FAT3: variants seen among roughly 807,000 people sequenced by gnomAD.
FAT3 encodes the protein protocadherin Fat 3.
FAT3 carries 95 observed loss-of-function variants against 310.2 expected under a neutral mutation model. That is an observed-to-expected ratio of 0.31 (90% CI 0.26 to 0.36). The LOEUF (loss-of-function observed/expected upper bound fraction) is 0.36, where lower values mean the gene tolerates loss of function less well. Among genes scored for constraint, FAT3 ranks in the 10% least tolerant of loss-of-function variants. The pLI, the probability that FAT3 is intolerant of heterozygous loss-of-function variation, is 1.00. For missense variants in FAT3, 5,408 were observed against 5,715.6 expected (o/e 0.95, Z 1.74); for synonymous variants, 2,314 against 2,192.9 (o/e 1.06, Z -1.54).
intron 3 of FAT3, among the ~76,000 whole-genome samples, chr11:92,651,369 C>T (rs1470910464): frequency 1.3e-5 from 2 of 152,176 alleles, no homozygotes; most frequent in African/African-American, 4.8e-5. Context: ...CCCATGAGGG[C>T]CCGTTTGGGC....
chr11:92,414,582 T>TAGAG (rs1348891234), intron 2 of FAT3, among the ~76,000 whole-genome samples: 3 of 152,224 alleles, frequency 2.0e-5, no homozygotes, highest in African/African-American at 7.2e-5. Flanking sequence ...CCACTACCTC[T>TAGAG]GCCTAGGAGA....
chr11:92,827,170 T>C (rs1337370916), intron 13 of FAT3, among the ~76,000 whole-genome samples: 2 of 152,212 alleles, frequency 1.3e-5, no homozygotes, highest in Non-Finnish European at 2.9e-5. Context: ...AACTGTAAGC[T>C]GTATGTGTGA....
At chr11:92,815,434 G>A (rs1309357929) in intron 13 of FAT3, among the ~76,000 whole-genome samples, 11 of 151,964 alleles carry the variant, frequency 7.2e-5, no homozygotes, top group East Asian at 1.9e-4. Context: ...TTCGCCGGGC[G>A]TGGCAGTGGG....
intron 3 of FAT3, among the ~76,000 whole-genome samples, chr11:92,573,176 C>T (rs1448823181): frequency 6.6e-6 from 1 of 152,136 alleles, no homozygotes. Context: ...AGCCAACATA[C>T]TAGTGGGGAA....
intron 2 of FAT3, among the ~76,000 whole-genome samples, chr11:92,481,060 T>A (rs1952210703): frequency 6.6e-6 from 1 of 152,202 alleles, no homozygotes; most frequent in Non-Finnish European, 1.5e-5. Flanking sequence ...TAAGAGAAAC[T>A]GAACTGATGG....
chr11:92,316,720 G>A (rs533514169), intron 1 of FAT3, among the ~76,000 whole-genome samples: 27 of 152,266 alleles, frequency 1.8e-4, no homozygotes, highest in Non-Finnish European at 2.8e-4. Context: ...TCACACTTTG[G>A]AATCATTCTA....
At chr11:92,434,127 G>T (rs1950871903) in intron 2 of FAT3, among the ~76,000 whole-genome samples, 1 of 152,106 alleles carries the variant, frequency 6.6e-6, no homozygotes, top group African/African-American at 2.4e-5. Context: ...CTATGGCTTA[G>T]TTAATCCACC....
chr11:92,550,964 A>G (rs1178375492), intron 3 of FAT3, among the ~76,000 whole-genome samples: 1 of 151,816 alleles, frequency 6.6e-6, no homozygotes, highest in Non-Finnish European at 1.5e-5. Context: ...TTCTTGATTT[A>G]TTGATATCAC....
chr11:92,265,085 C>T (rs1281914435), intron 1 of FAT3, among the ~76,000 whole-genome samples: 1 of 151,656 alleles, frequency 6.6e-6, no homozygotes, highest in African/African-American at 2.4e-5. Flanking sequence ...CCACAGGTTC[C>T]CTGGAGCTTT....
At chr11:92,493,503 T>G (rs1952666159) in intron 2 of FAT3, among the ~76,000 whole-genome samples, 1 of 152,120 alleles carries the variant, frequency 6.6e-6, no homozygotes, top group South Asian at 2.1e-4. Context: ...GTGCTTTGAA[T>G]ACACTAACAC....
At chr11:92,664,322 G>T (rs974794786) in intron 3 of FAT3, among the ~76,000 whole-genome samples, 1 of 152,158 alleles carries the variant, frequency 6.6e-6, no homozygotes, top group Non-Finnish European at 1.5e-5. Context: ...TTCCACTAGG[G>T]TATGAGCTGC....
chr11:92,551,275 A>G (rs1954806422), intron 3 of FAT3, among the ~76,000 whole-genome samples: 1 of 152,044 alleles, frequency 6.6e-6, no homozygotes, highest in Non-Finnish European at 1.5e-5. Context: ...GGCTTTCTAA[A>G]TCTCTCTACT....
intron 2 of FAT3, among the ~76,000 whole-genome samples, chr11:92,454,669 G>C (rs1182303975): frequency 6.6e-6 from 1 of 152,020 alleles, no homozygotes; most frequent in African/African-American, 2.4e-5. Flanking sequence ...CCATGTTTTA[G>C]AACTCTGATA....
intron 2 of FAT3, among the ~76,000 whole-genome samples, chr11:92,413,708 G>A (rs574330823): frequency 2.2e-4 from 33 of 152,152 alleles, no homozygotes; most frequent in Admixed American, 3.9e-4. Flanking sequence ...AAATAGTATC[G>A]GGGTGGGTTT....
At chr11:92,407,395 C>T (rs185385105) in intron 2 of FAT3, among the ~76,000 whole-genome samples, 2 of 152,134 alleles carry the variant, frequency 1.3e-5, no homozygotes, top group African/African-American at 2.4e-5. Flanking sequence ...TCTTAAACAC[C>T]GACAACACTG....
chr11:92,800,476 G>A lies in FAT3; in HGVS notation c.7463G>A (p.Gly2488Glu). Residue 2488 changes from glycine (G) to glutamate (E), a missense_variant, in exon 10 of 28, where the codon GGG (glycine) becomes GAG (glutamate). Around this residue, in one of 5 missense-constraint regions of FAT3, gnomAD observed 4,588 missense variants for 4,809.8 expected, o/e 0.95. Coordinates refer to ENST00000525166, the MANE Select transcript of FAT3 (RefSeq NM_001367949.2). ...STAQVHIRVLGANLYSPAFSQ... is the reference protein window; with the variant it reads ...STAQVHIRVLEANLYSPAFSQ... The stretch of plus-strand genomic sequence containing the variant: ...GCACAGGTGCATATTAGGGTACTTG[G>A]GGCTAACTTGTACAGCCCTGCCTTT... 1 of 1,613,920 alleles carries A rather than the reference G, an allele frequency of 6.2e-7. No individual in the cohort carries two copies. Among genetic ancestry groups the A allele is most frequent in the Non-Finnish European group, 8.5e-7 (1 of 1,179,862 alleles).
In FAT3 at chr11:92,420,614, A is replaced by G. The variant is rs538473418; in HGVS notation, c.3292+65210A>G. ...GGGGGGGTTAAGAGTAGAGAGAACT[A>G]TCCATCATAACTAAATCTTTACTAA... On this transcript the variant is annotated intron_variant, in intron 2 of 27. Coordinates refer to ENST00000525166, the MANE Select transcript of FAT3 (RefSeq NM_001367949.2). 2.5e-4 allele frequency among the ~76,000 whole-genome samples: 38 copies of G among 151,756 alleles called. No individual in the cohort carries two copies. The South Asian group carries it at 7.7e-3, about 31-fold the overall frequency.
intron 13 of FAT3, among the ~76,000 whole-genome samples, chr11:92,813,745 G>A (rs144025615): frequency 2.0e-5 from 3 of 152,240 alleles, no homozygotes; most frequent in East Asian, 3.9e-4. Context: ...TTGTCTAATT[G>A]GTTTTTGATC....
At chr11:92,333,467 A>T (rs948407359) in intron 1 of FAT3, among the ~76,000 whole-genome samples, 4 of 152,112 alleles carry the variant, frequency 2.6e-5, no homozygotes, top group Non-Finnish European at 4.4e-5. Context: ...ACCAAGAGGG[A>T]GGTTTAGTAA....
Sources: allele counts gnomAD v4.1 joint callset (sites outside exome capture counted in the v4.1 genomes callset), GRCh38; gene constraint gnomAD v4.1.1; regional missense constraint gnomAD v4.1.1; transcripts MANE v1.5; gene names NCBI Gene and HGNC (gene_info 2026-07-23, HGNC 2026-07-21).